The following CDK19 variants were observed in gnomAD, a reference collection of about 807,000 sequenced individuals.
The protein encoded by CDK19 is cyclin-dependent kinase 19.
In CDK19, 20 loss-of-function variants were observed where a neutral mutation model predicts 68.3. That is an observed-to-expected ratio of 0.29 (90% CI 0.21 to 0.43). The LOEUF (loss-of-function observed/expected upper bound fraction) is 0.43, where lower values mean the gene tolerates loss of function less well. Ranked by LOEUF, CDK19 falls within the 20% of genes least tolerant of loss-of-function variation. The pLI is 1.00. For missense variants in CDK19, 339 were observed against 623.5 expected, an observed-to-expected ratio of 0.54 and a Z score of 4.86; for synonymous variants, 221 against 222.8, an observed-to-expected ratio of 0.99 and a Z score of 0.07.
intron 2 of CDK19, among the ~76,000 whole-genome samples, chr6:110,717,952 C>G (rs1280318591): frequency 6.6e-6 from 1 of 152,096 alleles, no homozygotes; most frequent in East Asian, 1.9e-4. Flanking sequence ...CTGCCCGCCT[C>G]GGCCTCCCAA....
chr6:110,628,610 G>T (rs111556260), intron 6 of CDK19, among the ~76,000 whole-genome samples: 1 of 152,108 alleles, frequency 6.6e-6, no homozygotes, highest in Non-Finnish European at 1.5e-5. Context: ...TACAGGGTTC[G>T]GTGCTATCTG....
intron 1 of CDK19, among the ~76,000 whole-genome samples, chr6:110,795,974 C>T (rs1781910915): frequency 6.6e-6 from 1 of 152,156 alleles, no homozygotes; most frequent in African/African-American, 2.4e-5. Flanking sequence ...CTAATGATTC[C>T]ATTTATTACA....
At chr6:110,746,074 T>C (rs918640864) in intron 2 of CDK19, 52 bp downstream of exon 2, 2 of 875,874 alleles carry the variant, frequency 2.3e-6, no homozygotes, top group Non-Finnish European at 1.7e-6. Flanking sequence ...TTAAAATAAA[T>C]CATCACCCAA....
At chr6:110,672,822 AT>A (rs1246202583) in intron 2 of CDK19, among the ~76,000 whole-genome samples, 3 of 152,074 alleles carry the variant, frequency 2.0e-5, no homozygotes, top group South Asian at 2.1e-4. Flanking sequence ...TAAAAGAAAA[AT>A]TTTTTTAAAG....
At chr6:110,663,110 TTACTC>T (rs1342526384) in intron 4 of CDK19, among the ~76,000 whole-genome samples, 1 of 152,200 alleles carries the variant, frequency 6.6e-6, no homozygotes, top group East Asian at 1.9e-4. Context: ...AAATTTATAT[TTACTC>T]TAACACATTT....
intron 5 of CDK19, among the ~76,000 whole-genome samples, chr6:110,638,381 A>C (rs1390985581): frequency 6.6e-6 from 1 of 152,216 alleles, no homozygotes. Flanking sequence ...ACATAAACAC[A>C]TGCTTGGGTT....
intron 1 of CDK19, among the ~76,000 whole-genome samples, chr6:110,780,484 A>AT (rs58129614): frequency 8.0e-5 from 12 of 150,686 alleles, no homozygotes; most frequent in South Asian, 4.2e-4. Context: ...ATCAGAATTT[A>AT]TTTTTTTTTA....
chr6:110,681,106 A>G (rs1771976138), intron 2 of CDK19, among the ~76,000 whole-genome samples: 1 of 152,172 alleles, frequency 6.6e-6, no homozygotes, highest in Non-Finnish European at 1.5e-5. Flanking sequence ...GGGAGGCCGA[A>G]GCAGGCAGAT....
At chr6:110,617,229 C>G (rs920901674) in intron 12 of CDK19, among the ~76,000 whole-genome samples, 7 of 152,172 alleles carry the variant, frequency 4.6e-5, no homozygotes, top group Non-Finnish European at 1.0e-4. Context: ...ACTCTAACTT[C>G]CCCCTACCTT....
At position 110,617,696 on chromosome 6, in the gene CDK19, C is replaced by CACACACAT. The variant is rs2114585413; in HGVS notation, c.1378-3031_1378-3030insATGTGTGT. ...ACACACACACACACACACACACACACACACACACAAATTAGCCGGGAGTGG... is the reference window on the plus strand; with the variant it reads ...ACACACACACACACACACACACACACACACACATACACACACAAATTAGCCGGGAGTGG... On this transcript the variant is annotated intron_variant, in intron 12 of 12. Transcript: ENST00000368911. Among the ~76,000 whole-genome samples the CACACACAT allele has an allele frequency of 2.9e-5, 4 of 139,974 alleles. 1 individual carries two copies. In the East Asian group the frequency reaches 8.2e-4, roughly 29 times the overall value. The allele number at this position is 139,974 out of a possible 152,430, so 91.8% of individuals were successfully genotyped here. A position where few individuals can be genotyped will look rare whatever the true frequency, so the allele number is the denominator to read the frequency against.
At chr6:110,759,047 A>AG (rs1281421908) in intron 1 of CDK19, among the ~76,000 whole-genome samples, 1 of 152,068 alleles carries the variant, frequency 6.6e-6, no homozygotes, top group Non-Finnish European at 1.5e-5. Flanking sequence ...GGATCACTTG[A>AG]GCCCAGGAGT....
rs534689836 is a variant in CDK19 at position 110,647,997 on chromosome 6, T to C, written c.457-9291A>G. Among the ~76,000 whole-genome samples, 6 of 152,158 alleles carry C rather than the reference T, an allele frequency of 3.9e-5. No homozygotes were observed. In the South Asian group the frequency reaches 6.2e-4, roughly 16 times the overall value. On this transcript the variant is annotated intron_variant, in intron 4 of 12. Transcript: ENST00000368911. ...ATTATAAAATCATCTTGATAGATGC[T>C]GGGGAAAAAAAACAGCTGATAGAAT...
chr6:110,768,852 G>A (rs974893215), intron 1 of CDK19, among the ~76,000 whole-genome samples: 3 of 152,054 alleles, frequency 2.0e-5, no homozygotes, highest in Non-Finnish European at 4.4e-5. Flanking sequence ...CTAATGTGTA[G>A]AGAGCAAACC....
At chr6:110,743,586 G>C (rs1777843072) in intron 2 of CDK19, among the ~76,000 whole-genome samples, 1 of 152,062 alleles carries the variant, frequency 6.6e-6, no homozygotes, top group Non-Finnish European at 1.5e-5. Context: ...AAATTGCACT[G>C]AGCCAAGATT....
intron 2 of CDK19, chr6:110,722,475 G>C (rs1775970642): frequency 6.6e-6 from 1 of 150,866 alleles, no homozygotes; most frequent in African/African-American, 2.4e-5. Flanking sequence ...AAGGCAGGAG[G>C]ATCAGTGGAA....
intron 2 of CDK19, among the ~76,000 whole-genome samples, chr6:110,731,865 T>A (rs1292217123): frequency 6.6e-6 from 1 of 152,108 alleles, no homozygotes; most frequent in Non-Finnish European, 1.5e-5. Flanking sequence ...TATCTCTTCA[T>A]AAAGACAAAT....
At chr6:110,799,701 G>A (rs534205899) in intron 1 of CDK19, among the ~76,000 whole-genome samples, 1 of 152,056 alleles carries the variant, frequency 6.6e-6, no homozygotes, top group East Asian at 1.9e-4. Flanking sequence ...CAGCTCAAGT[G>A]ATCTTCCCAC....
intron 2 of CDK19, among the ~76,000 whole-genome samples, chr6:110,704,883 G>C (rs1048022065): frequency 1.3e-5 from 2 of 152,050 alleles, no homozygotes; most frequent in African/African-American, 4.8e-5. Flanking sequence ...AAAATAGAAA[G>C]GAGGGGTTAG....
intron 2 of CDK19, among the ~76,000 whole-genome samples, chr6:110,713,195 C>CA (rs552100163): frequency 8.5e-3 from 424 of 49,808 alleles, no homozygotes; most frequent in Middle Eastern, 0.029. Flanking sequence ...GATCCCATCT[C>CA]AAAAAAAAAA....
Sources: gnomAD v4.1 joint callset for allele counts (sites outside exome capture counted in the v4.1 genomes callset) on GRCh38, gnomAD v4.1.1 for gene constraint, MANE v1.5 for transcripts, NCBI Gene and HGNC (gene_info 2026-07-23, HGNC 2026-07-21) for gene names.